The following MYO6 variants were observed in gnomAD, a reference collection of about 807,000 sequenced individuals.
MYO6 encodes the protein myosin VI.
Under a neutral mutation model 178.7 loss-of-function variants are expected in MYO6, and 74 were observed. That is an observed-to-expected ratio of 0.41 (90% CI 0.34 to 0.50). The LOEUF (loss-of-function observed/expected upper bound fraction) is 0.50. Among genes scored for constraint, MYO6 ranks in the 20% least tolerant of loss-of-function variants. MYO6 has a pLI of 0.09. For missense variants in MYO6, 1,330 were observed against 1,547.4 expected, an observed-to-expected ratio of 0.86 and a Z score of 2.36; for synonymous variants, 477 against 504.6, an observed-to-expected ratio of 0.95 and a Z score of 0.73.
chr6:75,912,124 T>C (rs1019763270), intron 33 of MYO6, among the ~76,000 whole-genome samples: 2 of 152,026 alleles, frequency 1.3e-5, no homozygotes, highest in East Asian at 1.9e-4. Flanking sequence ...TTATAGATAA[T>C]GTGATAGTGT....
intron 28 of MYO6, chr6:75,894,763 A>T: frequency 7.6e-7 from 1 of 1,307,356 alleles, no homozygotes; most frequent in Non-Finnish European, 1.0e-6. Context: ...AAAAATGTAT[A>T]TATTATAGAT....
At chr6:75,794,312 A>G (rs1031460602) in intron 1 of MYO6, among the ~76,000 whole-genome samples, 1 of 152,144 alleles carries the variant, frequency 6.6e-6, no homozygotes, top group African/African-American at 2.4e-5. Flanking sequence ...CAGACTAAAC[A>G]TGTTCTTAAT....
chr6:75,900,343 G>C (rs1341142664), intron 30 of MYO6, among the ~76,000 whole-genome samples: 2 of 152,136 alleles, frequency 1.3e-5, no homozygotes, highest in African/African-American at 4.8e-5. Context: ...CTAGTTTACA[G>C]TCCCACCAAC....
intron 32 of MYO6, among the ~76,000 whole-genome samples, chr6:75,910,993 C>T (rs921713815): frequency 6.6e-6 from 1 of 152,046 alleles, no homozygotes; most frequent in Admixed American, 6.6e-5. Flanking sequence ...TAATGGTAAA[C>T]TCTTAAAATA....
At chr6:75,912,319 A>C (rs1425562351) in intron 33 of MYO6, among the ~76,000 whole-genome samples, 1 of 152,046 alleles carries the variant, frequency 6.6e-6, no homozygotes, top group African/African-American at 2.4e-5. Flanking sequence ...TCATTTGCCA[A>C]CTGGTTGGAC....
At chr6:75,759,888 C>T (rs1777801161) in intron 1 of MYO6, among the ~76,000 whole-genome samples, 1 of 152,102 alleles carries the variant, frequency 6.6e-6, no homozygotes, top group Non-Finnish European at 1.5e-5. Context: ...ACACAAAGCA[C>T]TTTTGTTAAT....
At position 75,886,851 on chromosome 6, in the gene MYO6, G is replaced by C; in HGVS notation, c.2515G>C (p.Gly839Arg). The part of the protein sequence containing the change: ...CKRRHKPRID[G>R]LVKVGTLKKR... ...GAAGTATTATTTTTACAGCATTGAT[G>C]GTCTGGTTAAGGTGGGCACACTGAA... Residue 839 changes from glycine (G) to arginine (R), a missense_variant, in exon 25 of 35, where the codon GGT becomes CGT. Gly to Arg is a moderately radical substitution (Grantham distance 125, BLOSUM62 -2). Coordinates refer to ENST00000369977, the MANE Select transcript of MYO6 (RefSeq NM_004999.4). The C allele has an allele frequency of 6.2e-7, 1 of 1,613,640 alleles. No homozygotes were observed. Among genetic ancestry groups the C allele is most frequent in the South Asian group, 1.1e-5 (1 of 91,066 alleles).
At chr6:75,834,989 A>T (rs879881808) in intron 6 of MYO6, among the ~76,000 whole-genome samples, 1 of 152,200 alleles carries the variant, frequency 6.6e-6, no homozygotes, top group Non-Finnish European at 1.5e-5. Flanking sequence ...TATAATATGA[A>T]CTTACATTTT....
chr6:75,840,692 A>AGT lies in MYO6; in HGVS notation c.651+11_651+12dup, dbSNP rs1774135297. On this transcript the variant is annotated intron_variant, in intron 8 of 34. Transcript: ENST00000369977. The stretch of plus-strand genomic sequence containing the variant: ...ACATTTTAATGAAAAGGTAAGTGAG[A>AGT]GTAAGCTTTGGAATGATATTTTTGG... 2 of 1,586,882 alleles carry AGT rather than the reference A, an allele frequency of 1.3e-6. No homozygotes were observed. The highest frequency in any genetic ancestry group is 8.7e-7 in the Non-Finnish European group (1 of 1,155,610).
chr6:75,860,491 T>C (rs900536431), intron 14 of MYO6, among the ~76,000 whole-genome samples: 1 of 152,214 alleles, frequency 6.6e-6, no homozygotes, highest in Non-Finnish European at 1.5e-5. Flanking sequence ...TTGATTTATG[T>C]TCACCTTTTT....
intron 30 of MYO6, among the ~76,000 whole-genome samples, chr6:75,902,704 G>GT (rs1779910028): frequency 1.3e-5 from 2 of 151,616 alleles, no homozygotes; most frequent in African/African-American, 2.4e-5. Flanking sequence ...TTTTTGAAGG[G>GT]TTTTTTGTGT....
chr6:75,804,726 A>T (rs758876171), intron 1 of MYO6, among the ~76,000 whole-genome samples: 11 of 152,016 alleles, frequency 7.2e-5, no homozygotes, highest in Non-Finnish European at 1.6e-4. Context: ...ATGACTCCGT[A>T]AGGCAGTCTT....
intron 1 of MYO6, among the ~76,000 whole-genome samples, chr6:75,763,670 G>C (rs1463027540): frequency 6.6e-6 from 1 of 152,176 alleles, no homozygotes; most frequent in East Asian, 1.9e-4. Flanking sequence ...TTAGGCAGTA[G>C]GTTGAGGTTC....
chr6:75,837,073 G>C (rs776743612), intron 7 of MYO6, among the ~76,000 whole-genome samples: 1 of 152,076 alleles, frequency 6.6e-6, no homozygotes, highest in South Asian at 2.1e-4. Context: ...TCTTTGAGCT[G>C]TCTTAAACAG....
intron 1 of MYO6, among the ~76,000 whole-genome samples, chr6:75,767,520 CTTTTTTT>C (rs1002645261): frequency 3.0e-5 from 4 of 131,234 alleles, no homozygotes; most frequent in South Asian, 2.4e-4. Flanking sequence ...TTACAAATTC[CTTTTTTT>C]TTTTTTTTTT....
At chr6:75,821,199 C>T (rs1771837744) in intron 2 of MYO6, among the ~76,000 whole-genome samples, 1 of 152,124 alleles carries the variant, frequency 6.6e-6, no homozygotes. Flanking sequence ...GGCCTCCCCT[C>T]ATCCCCACTC....
intron 29 of MYO6, 37 bp downstream of exon 29, chr6:75,895,297 G>C (rs370900258): frequency 4.1e-5 from 63 of 1,551,514 alleles, no homozygotes; most frequent in Non-Finnish European, 5.3e-5. Context: ...AAAATAGGTT[G>C]TAGATACTTT....
chr6:75,777,234 G>A (rs952402525), intron 1 of MYO6, among the ~76,000 whole-genome samples: 6 of 151,962 alleles, frequency 3.9e-5, no homozygotes, highest in South Asian at 4.2e-4. Context: ...CAGAATTTAC[G>A]CTTGTGTCTT....
Position 75,891,313 on chromosome 6 carries a change from A to G in MYO6, c.2946+7A>G, listed in dbSNP as rs768380165. 2 of 1,593,498 alleles carry G rather than the reference A, an allele frequency of 1.3e-6. No homozygotes were observed. Among genetic ancestry groups the G allele is most frequent in the South Asian group, 2.2e-5 (2 of 89,952 alleles). On this transcript the variant is annotated splice_region_variant and intron_variant, in intron 27 of 34. Coordinates refer to ENST00000369977, the MANE Select transcript of MYO6 (RefSeq NM_004999.4). The stretch of plus-strand genomic sequence containing the variant: ...TGATGAAAAACGCATTCAAGTATGT[A>G]CTTACTGGGTTGAATTTCTATTAAA...
Sources: allele counts gnomAD v4.1 joint callset (sites outside exome capture counted in the v4.1 genomes callset), GRCh38; gene constraint gnomAD v4.1.1; transcripts MANE v1.5; gene names NCBI Gene and HGNC (gene_info 2026-07-23, HGNC 2026-07-21).